Variants in MAP2 observed in about 807,000 individuals in gnomAD.
The protein encoded by MAP2 is microtubule associated protein 2.
Under a neutral mutation model 137.6 loss-of-function variants are expected in MAP2, and 14 were observed. The observed-to-expected ratio is 0.10, with a 90% CI of 0.07 to 0.16. The LOEUF (loss-of-function observed/expected upper bound fraction) is 0.16. Ranked by LOEUF, MAP2 falls within the 10% of genes least tolerant of loss-of-function variation. MAP2 has a pLI of 1.00. For missense variants in MAP2, 2,088 were observed against 2,191.5 expected (o/e 0.95, Z 0.94); for synonymous variants, 786 against 782.3 (o/e 1.00, Z -0.08).
In MAP2 at chr2:209,660,556, C is replaced by A. The variant is rs1032037010; in HGVS notation, c.262+7124C>A. On this transcript the variant is annotated intron_variant, in intron 5 of 15. Transcript: ENST00000682079. ...TACAGGCGCCCGCCACCAAGCCCGG[C>A]TAATTTTTTTTGTATTTTTTAGTAG... 2.7e-5 allele frequency among the ~76,000 whole-genome samples: 4 copies of A among 146,674 alleles called. No homozygotes were observed. The East Asian group carries it at 8.2e-4, about 30-fold the overall frequency.
chr2:209,542,649 C>G lies in MAP2; in HGVS notation c.-172+35008C>G, dbSNP rs187833070. Among the ~76,000 whole-genome samples the G allele has an allele frequency of 4.6e-5, 7 of 152,358 alleles. No individual in the cohort carries two copies. In the East Asian group the frequency reaches 1.3e-3, roughly 29 times the overall value. On this transcript the variant is annotated intron_variant, in intron 2 of 15. Coordinates refer to ENST00000682079, the MANE Select transcript of MAP2 (RefSeq NM_001375505.1). ...TAGAGAACTTGTGGCATCTTCTCCACTAGCACCTGCTGCTTCACCTTTAAC... is the reference window on the plus strand; with the variant it reads ...TAGAGAACTTGTGGCATCTTCTCCAGTAGCACCTGCTGCTTCACCTTTAAC...
intron 3 of MAP2, among the ~76,000 whole-genome samples, chr2:209,598,132 C>T (rs2081852272): frequency 6.6e-6 from 1 of 152,016 alleles, no homozygotes; most frequent in Admixed American, 6.6e-5. Flanking sequence ...CAGCCTCCCA[C>T]GTAGCTGGGA....
chr2:209,678,303 G>C (rs2052904498), intron 5 of MAP2, among the ~76,000 whole-genome samples: 3 of 151,880 alleles, frequency 2.0e-5, no homozygotes, highest in Admixed American at 6.6e-5. Context: ...TGTTGTTGAA[G>C]CCAAAAAAAT....
intron 4 of MAP2, among the ~76,000 whole-genome samples, chr2:209,628,834 G>C (rs1279150644): frequency 6.6e-6 from 1 of 152,188 alleles, no homozygotes; most frequent in Non-Finnish European, 1.5e-5. Context: ...TATCCTGGTG[G>C]ATGGACCCTC....
At chr2:209,727,297 G>C (rs1405777508) in intron 14 of MAP2, among the ~76,000 whole-genome samples, 1 of 152,174 alleles carries the variant, frequency 6.6e-6, no homozygotes, top group Non-Finnish European at 1.5e-5. Context: ...AATTGACTTT[G>C]TACTGCTGTG....
At chr2:209,588,917 C>T (rs1559362822) in intron 3 of MAP2, among the ~76,000 whole-genome samples, 1 of 152,088 alleles carries the variant, frequency 6.6e-6, no homozygotes, top group Non-Finnish European at 1.5e-5. Context: ...AAAAATCATA[C>T]AAGAACTCAT....
chr2:209,615,263 C>T lies in MAP2; in HGVS notation c.-106-9790C>T, dbSNP rs140729377. The stretch of plus-strand genomic sequence containing the variant: ...TATGTGGCTGCAGGTTGACAGATGG[C>T]TCCCAGCAGGTGAACTCAAGGCTAT... On this transcript the variant is annotated intron_variant, in intron 3 of 15. Transcript: ENST00000682079. 6.2e-3 allele frequency among the ~76,000 whole-genome samples: 937 copies of T among 152,264 alleles called. 3 individuals are homozygous for T. The highest frequency in any genetic ancestry group is 0.011 in the Non-Finnish European group (754 of 68,020).
At chr2:209,553,163 C>G (rs1041243888) in intron 2 of MAP2, among the ~76,000 whole-genome samples, 1 of 151,890 alleles carries the variant, frequency 6.6e-6, no homozygotes, top group Non-Finnish European at 1.5e-5. Context: ...AGGCACCCAC[C>G]ACCACGCCCG....
At chr2:209,492,751 A>G (rs2059277450) in intron 1 of MAP2, among the ~76,000 whole-genome samples, 1 of 152,210 alleles carries the variant, frequency 6.6e-6, no homozygotes, top group African/African-American at 2.4e-5. Flanking sequence ...GGACCTCTTC[A>G]AGGAGAACTA....
At chr2:209,579,819 C>T (rs1177804799) in intron 2 of MAP2, 1 of 152,096 alleles carries the variant, frequency 6.6e-6, no homozygotes, top group Non-Finnish European at 1.5e-5. Context: ...ATAGGATGTG[C>T]TTTATGTAAT....
chr2:209,636,318 C>A (rs13384979), intron 4 of MAP2, among the ~76,000 whole-genome samples: 9,716 of 152,084 alleles, frequency 0.064, 557 homozygotes, highest in African/African-American at 0.15. Context: ...AAAGGGCCAA[C>A]ACAATCAAAA....
chr2:209,595,907 A>G (rs1397712305), intron 3 of MAP2, among the ~76,000 whole-genome samples: 1 of 152,192 alleles, frequency 6.6e-6, no homozygotes, highest in African/African-American at 2.4e-5. Flanking sequence ...TTGAACAATG[A>G]GAACACTTGG....
intron 2 of MAP2, among the ~76,000 whole-genome samples, chr2:209,535,344 C>G (rs2065796909): frequency 6.6e-6 from 1 of 152,182 alleles, no homozygotes; most frequent in Non-Finnish European, 1.5e-5. Context: ...GACAACTTCA[C>G]CGCATAACCA....
intron 3 of MAP2, among the ~76,000 whole-genome samples, chr2:209,624,165 G>T (rs1450359876): frequency 6.6e-6 from 1 of 152,084 alleles, no homozygotes; most frequent in African/African-American, 2.4e-5. Flanking sequence ...GAGTTAATAG[G>T]TGTCAGAGTT....
Position 209,693,534 on chromosome 2 carries a change from C to T in MAP2, c.1364C>T (p.Ala455Val), listed in dbSNP as rs369176617. 3.7e-6 allele frequency: 6 copies of T among 1,610,800 alleles called. No homozygotes were observed. In the African/African-American group the frequency reaches 5.4e-5, roughly 14 times the overall value. ...AAAACCACCATTTCTGACAAAGAAG[C>T]TGTGCCAAAAGAGAGTAAACCCCCA... is the stretch of plus-strand genomic sequence containing the variant. ...EEKTTISDKE[A>V]VPKESKPPKP... is the part of the protein sequence containing the mutation. The change falls in exon 8 of 16, where the codon GCT becomes GTT. Residue 455 changes from alanine (A) to valine (V), a missense_variant. This residue lies in a region of MAP2 where 859 missense variants were observed against 794.5 expected (regional missense o/e 1.08). Coordinates refer to ENST00000682079, the MANE Select transcript of MAP2 (RefSeq NM_001375505.1).
chr2:209,660,249 G>A (rs1472790107), intron 5 of MAP2, among the ~76,000 whole-genome samples: 2 of 151,986 alleles, frequency 1.3e-5, no homozygotes, highest in Non-Finnish European at 1.5e-5. Flanking sequence ...GCTTTTCCAG[G>A]CTTTGCGTTG....
At chr2:209,717,309 C>T (rs2068081766) in intron 13 of MAP2, among the ~76,000 whole-genome samples, 1 of 152,142 alleles carries the variant, frequency 6.6e-6, no homozygotes, top group Non-Finnish European at 1.5e-5. Context: ...TAAGGGAAAG[C>T]AGTTCCACAC....
intron 3 of MAP2, among the ~76,000 whole-genome samples, chr2:209,608,841 T>C (rs1482900623): frequency 5.9e-5 from 9 of 152,146 alleles, no homozygotes; most frequent in Admixed American, 5.9e-4. Flanking sequence ...CAACCTGTAG[T>C]TCTCATTGCC....
chr2:209,694,488 A>G lies in MAP2; in HGVS notation c.2318A>G (p.Lys773Arg), dbSNP rs1331268072. Residue 773 changes from lysine to arginine, a missense_variant, in exon 8 of 16, where the codon AAA becomes AGA. By Grantham distance (26) the Lys-to-Arg change is conservative. This residue lies in a region of MAP2 where 500 missense variants were observed against 482.9 expected (regional missense o/e 1.04). Coordinates refer to ENST00000682079, the MANE Select transcript of MAP2 (RefSeq NM_001375505.1). ...SKEEEQIEKV[K>R]ATGEESTQAE... The stretch of plus-strand genomic sequence containing the variant: ...GAGGAAGAACAGATAGAGAAAGTAA[A>G]AGCTACTGGAGAAGAAAGTACTCAA... 2.5e-6 allele frequency: 4 copies of G among 1,613,970 alleles called. No individual in the cohort carries two copies. Among genetic ancestry groups the G allele is most frequent in the Non-Finnish European group, 3.4e-6 (4 of 1,180,002 alleles).
Sources: gnomAD v4.1 joint callset for allele counts (sites outside exome capture counted in the v4.1 genomes callset) on GRCh38, gnomAD v4.1.1 for gene constraint, gnomAD v4.1.1 regional missense constraint, MANE v1.5 for transcripts, NCBI Gene and HGNC (gene_info 2026-07-23, HGNC 2026-07-21) for gene names.